Variants in NXN observed in about 807,000 individuals in gnomAD.
NXN encodes nucleoredoxin 1.
Under a neutral mutation model 48.6 loss-of-function variants are expected in NXN, and 16 were observed. The ratio of observed to expected loss-of-function variants is 0.33; its 90% CI spans 0.22 to 0.50. The LOEUF is 0.50. Among genes scored for constraint, NXN ranks in the 20% least tolerant of loss-of-function variants. The pLI is 0.98. For synonymous variants in NXN, 281 were observed against 269.6 expected, an observed-to-expected ratio of 1.04 and a Z score of -0.41; for missense variants, 492 against 605.5, an observed-to-expected ratio of 0.81 and a Z score of 1.97.
At chr17:940,614 C>G (rs1597259106) in intron 1 of NXN, among the ~76,000 whole-genome samples, 1 of 152,128 alleles carries the variant, frequency 6.6e-6, no homozygotes, top group Non-Finnish European at 1.5e-5. Context: ...CTTTGCAGGA[C>G]CCTTAAAAAC....
intron 1 of NXN, among the ~76,000 whole-genome samples, chr17:973,787 C>T (rs1427151010): frequency 6.6e-6 from 1 of 151,920 alleles, no homozygotes; most frequent in African/African-American, 2.4e-5. Context: ...TCAAGCGATT[C>T]TCCTGCCTCA....
Position 896,334 on chromosome 17 carries a change from C to T in NXN, c.361-70256G>A, listed in dbSNP as rs529467213. On this transcript the variant is annotated intron_variant, in intron 1 of 7. Coordinates refer to ENST00000336868, the MANE Select transcript of NXN (RefSeq NM_022463.5). Reference sequence around the variant, plus strand: ...CAGCCTGGGCAACAAAAGCAAAACTCCATCTCAAAAAAAAAAAAAAAATTA... The same window carrying T: ...CAGCCTGGGCAACAAAAGCAAAACTTCATCTCAAAAAAAAAAAAAAAATTA... Among the ~76,000 whole-genome samples, 14 of 130,220 alleles carry T rather than the reference C, an allele frequency of 1.1e-4. No homozygotes were observed. In the South Asian group the frequency reaches 3.3e-3, roughly 30 times the overall value. 85.4% of individuals were successfully genotyped at this position (130,220 alleles called of 152,430 possible). A position where few individuals can be genotyped will look rare whatever the true frequency, so the allele number is the denominator to read the frequency against.
chr17:833,427 G>A (rs1428274954), intron 1 of NXN, among the ~76,000 whole-genome samples: 1 of 152,094 alleles, frequency 6.6e-6, no homozygotes, highest in Admixed American at 6.6e-5. Context: ...CACTTACGCA[G>A]CCCGGAAACC....
intron 1 of NXN, among the ~76,000 whole-genome samples, chr17:899,386 AC>A (rs1311930687): frequency 6.6e-6 from 1 of 152,114 alleles, no homozygotes; most frequent in Non-Finnish European, 1.5e-5. Context: ...AAAAAATAAG[AC>A]CCTGAGAGAG....
chr17:824,535 G>GGCCGTCACATCCCA (rs1483733465), intron 2 of NXN, among the ~76,000 whole-genome samples: 1 of 152,172 alleles, frequency 6.6e-6, no homozygotes. Context: ...TTCACATCCC[G>GGCCGTCACATCCCA]GCCGTCACAT....
chr17:841,772 G>C (rs534428427), intron 1 of NXN, among the ~76,000 whole-genome samples: 1 of 151,812 alleles, frequency 6.6e-6, no homozygotes, highest in Non-Finnish European at 1.5e-5. Context: ...GTGGCTCTGG[G>C]TGCGGCAAAG....
chr17:928,707 G>A (rs1480395019), intron 1 of NXN, among the ~76,000 whole-genome samples: 1 of 152,098 alleles, frequency 6.6e-6, no homozygotes, highest in Non-Finnish European at 1.5e-5. Flanking sequence ...GTGGTGGTGG[G>A]CACCTGTAAT....
chr17:832,510 G>A (rs1597641753), intron 1 of NXN, among the ~76,000 whole-genome samples: 1 of 152,086 alleles, frequency 6.6e-6, no homozygotes, highest in Non-Finnish European at 1.5e-5. Context: ...TAAGGAAATG[G>A]TGGTGGGGTT....
chr17:826,191 CAG>C (rs1051693352), intron 1 of NXN, 113 bp from the exon 2 acceptor site: 4 of 783,778 alleles, frequency 5.1e-6, no homozygotes, highest in Admixed American at 1.8e-5. Flanking sequence ...TTCAAGCACA[CAG>C]AAAAGAATAA....
At chr17:909,583 G>C (rs556485828) in intron 1 of NXN, 1 of 145,200 alleles carries the variant, frequency 6.9e-6, no homozygotes, top group East Asian at 2.1e-4. Context: ...CTGTCCCCCA[G>C]GCTGGAGTGC....
rs1369842533 is a variant in NXN at position 804,980 on chromosome 17, A to G, written c.1000+88T>C. 2.9e-6 allele frequency: 4 copies of G among 1,380,302 alleles called. No individual in the cohort carries two copies. The African/African-American group carries it at 5.8e-5, about 20-fold the overall frequency. 85.5% of individuals were successfully genotyped at this position (1,380,302 alleles called of 1,614,324 possible). ...GCTTGCACTGCTGGTGACAGAGAGA[A>G]GCGGCAGGGACAGGCTCCTCCCAAG... is the stretch of plus-strand genomic sequence containing the variant. On this transcript the variant is annotated intron_variant, in intron 6 of 7. Coordinates refer to ENST00000336868, the MANE Select transcript of NXN (RefSeq NM_022463.5).
At chr17:914,970 C>T (rs1027025764) in intron 1 of NXN, among the ~76,000 whole-genome samples, 7 of 151,876 alleles carry the variant, frequency 4.6e-5, no homozygotes, top group Non-Finnish European at 7.4e-5. Flanking sequence ...GACAAAGTCT[C>T]GCTCGCCAGG....
rs1914238401 is a variant in NXN at position 841,477 on chromosome 17, C to A, written c.361-15399G>T. ...CCACGGCGCATCTCACACGGGCGAG[C>A]AGGTCCCCCCTGACCACGGCGCATC... is the stretch of plus-strand genomic sequence containing the variant. On this transcript the variant is annotated intron_variant, in intron 1 of 7. Coordinates refer to ENST00000336868, the MANE Select transcript of NXN (RefSeq NM_022463.5). 2.9e-4 allele frequency among the ~76,000 whole-genome samples: 43 copies of A among 147,274 alleles called. 1 individual carries two copies. Among genetic ancestry groups the A allele is most frequent in the Non-Finnish European group, 5.7e-4 (37 of 65,178 alleles).
chr17:899,409 C>A (rs1411387051), intron 1 of NXN, among the ~76,000 whole-genome samples: 1 of 152,152 alleles, frequency 6.6e-6, no homozygotes, highest in Non-Finnish European at 1.5e-5. Context: ...CACCTGGATG[C>A]CCGCTCTCCT....
At position 838,294 on chromosome 17, in the gene NXN, G is replaced by A. The variant is rs143312568; in HGVS notation, c.361-12216C>T. On this transcript the variant is annotated intron_variant, in intron 1 of 7. Coordinates refer to ENST00000336868, the MANE Select transcript of NXN (RefSeq NM_022463.5). Reference sequence around the variant, plus strand: ...TTACAGGTGCCCACCACCACACCCGGCTCATTTTCGTATTTTTAGTTGAGA... The same window carrying A: ...TTACAGGTGCCCACCACCACACCCGACTCATTTTCGTATTTTTAGTTGAGA... Among the ~76,000 whole-genome samples, 849 of 151,966 alleles carry A rather than the reference G, an allele frequency of 5.6e-3. 8 individuals are homozygous for A. The highest frequency in any genetic ancestry group is 0.02 in the African/African-American group (816 of 41,432).
chr17:915,449 A>G (rs2068678996), intron 1 of NXN, among the ~76,000 whole-genome samples: 1 of 151,686 alleles, frequency 6.6e-6, no homozygotes, highest in African/African-American at 2.4e-5. Context: ...ACACCCAGCT[A>G]ATTTTTGTAT....
At position 823,680 on chromosome 17, in the gene NXN, G is replaced by A. The variant is rs1912940193; in HGVS notation, c.564C>T (p.Ser188=). The A allele has an allele frequency of 1.9e-6, 3 of 1,614,048 alleles. No homozygotes were observed. The South Asian group carries it at 3.3e-5, about 18-fold the overall frequency. ...LLRNNGQSLE[S]SSLEGSHVGV... is the part of the protein sequence containing the mutation. ...CCACGTGAGACCCCTCCAGGCTGCT[G>A]CTCTCCAGAGACTGCCCATTGTTTC... The change falls in exon 3 of 8, where the codon AGC becomes AGT. Residue 188 remains serine (S), a synonymous_variant. Coordinates refer to ENST00000336868, the MANE Select transcript of NXN (RefSeq NM_022463.5).
At chr17:803,915 G>T in intron 6 of NXN, 109 bp from the exon 7 acceptor site, 1 of 1,432,208 alleles carries the variant, frequency 7.0e-7, no homozygotes, top group Non-Finnish European at 9.6e-7. Context: ...CGCCTGAGCG[G>T]CCCCTGAACG....
intron 1 of NXN, among the ~76,000 whole-genome samples, chr17:891,027 CTG>C (rs1363720990): frequency 2.2e-4 from 33 of 151,778 alleles, no homozygotes; most frequent in Non-Finnish European, 4.7e-4. Context: ...ATCGGTCTGT[CTG>C]TCTGTCTGTC....
Sources: allele counts gnomAD v4.1 joint callset (sites outside exome capture counted in the v4.1 genomes callset), GRCh38; gene constraint gnomAD v4.1.1; transcripts MANE v1.5; gene names NCBI Gene and HGNC (gene_info 2026-07-23, HGNC 2026-07-21).